Variants in TAF4B observed in about 807,000 individuals in gnomAD.
TAF4B encodes the protein transcription initiation factor TFIID subunit 4B.
In TAF4B, 38 loss-of-function variants were observed where a neutral mutation model predicts 86.4. The ratio of observed to expected loss-of-function variants is 0.44; its 90% CI spans 0.34 to 0.58. The LOEUF (loss-of-function observed/expected upper bound fraction) is 0.58. TAF4B is among the 20% of genes least tolerant of loss of function. The pLI, the probability that TAF4B is intolerant of heterozygous loss-of-function variation, is 0.02. For missense variants in TAF4B, 988 were observed against 1,027.6 expected (o/e 0.96, Z 0.53); for synonymous variants, 388 against 391.2 (o/e 0.99, Z 0.10).
At chr18:26,290,779 T>C (rs2056581800) in intron 7 of TAF4B, among the ~76,000 whole-genome samples, 1 of 152,200 alleles carries the variant, frequency 6.6e-6, no homozygotes. Context: ...ATTAAAATAC[T>C]GACAGGAATA....
chr18:26,336,502 AT>A (rs983355775), intron 13 of TAF4B, among the ~76,000 whole-genome samples: 2 of 152,158 alleles, frequency 1.3e-5, no homozygotes, highest in African/African-American at 4.8e-5. Context: ...GGGTGGAGGG[AT>A]TTCAGGATTG....
At position 26,248,804 on chromosome 18, in the gene TAF4B, C is replaced by T. The variant is rs1008245187; in HGVS notation, c.344-16366C>T. On this transcript the variant is annotated intron_variant, in intron 1 of 14. Transcript: ENST00000269142. ...CCTCCCAAAGTGCTGGGATTACAGGCGTGAGCGACTGCACCTGGCCCCTAA... is the reference window on the plus strand; with the variant it reads ...CCTCCCAAAGTGCTGGGATTACAGGTGTGAGCGACTGCACCTGGCCCCTAA... Among the ~76,000 whole-genome samples, 605 of 100,186 alleles carry T rather than the reference C, an allele frequency of 6.0e-3. 14 individuals are homozygous for T. The highest frequency in any genetic ancestry group is 0.022 in the African/African-American group (584 of 26,008). 65.7% of individuals were successfully genotyped at this position (100,186 alleles called of 152,430 possible). A position where few individuals can be genotyped will look rare whatever the true frequency, so the allele number is the denominator to read the frequency against.
At chr18:26,340,250 C>T (rs764100843) in intron 13 of TAF4B, among the ~76,000 whole-genome samples, 4 of 152,090 alleles carry the variant, frequency 2.6e-5, no homozygotes, top group South Asian at 4.2e-4. Context: ...TATTTAGGTA[C>T]GAGAACAGCA....
intron 9 of TAF4B, among the ~76,000 whole-genome samples, chr18:26,311,690 A>T (rs1242670215): frequency 1.3e-5 from 2 of 152,212 alleles, no homozygotes; most frequent in Non-Finnish European, 2.9e-5. Flanking sequence ...AGCAAAGTCC[A>T]GAATCAGGAG....
At chr18:26,385,475 A>G (rs1978324221) in intron 14 of TAF4B, among the ~76,000 whole-genome samples, 1 of 152,130 alleles carries the variant, frequency 6.6e-6, no homozygotes, top group South Asian at 2.1e-4. Flanking sequence ...TGATCTGGCA[A>G]TTTTAGAAGA....
At chr18:26,288,361 G>A (rs968425574) in intron 7 of TAF4B, among the ~76,000 whole-genome samples, 2 of 152,192 alleles carry the variant, frequency 1.3e-5, no homozygotes, top group Admixed American at 6.5e-5. Flanking sequence ...GTGGCCGGGC[G>A]CAGCGGCTCA....
intron 1 of TAF4B, among the ~76,000 whole-genome samples, chr18:26,239,300 T>G (rs931159982): frequency 1.3e-5 from 2 of 152,166 alleles, no homozygotes; most frequent in African/African-American, 4.8e-5. Flanking sequence ...TGTGAGATGG[T>G]ATCTCATTGT....
chr18:26,321,773 A>G (rs117392906), intron 11 of TAF4B, among the ~76,000 whole-genome samples: 164 of 152,218 alleles, frequency 1.1e-3, no homozygotes, highest in Non-Finnish European at 1.8e-3. Flanking sequence ...GAAATCCTGA[A>G]AACAATATAT....
At chr18:26,324,985 T>C (rs1460197170) in intron 11 of TAF4B, among the ~76,000 whole-genome samples, 1 of 152,234 alleles carries the variant, frequency 6.6e-6, no homozygotes. Flanking sequence ...ATAGATTTTA[T>C]AAAAGTGAGT....
At chr18:26,385,108 G>A (rs1424668304) in intron 14 of TAF4B, among the ~76,000 whole-genome samples, 1 of 152,174 alleles carries the variant, frequency 6.6e-6, no homozygotes, top group Non-Finnish European at 1.5e-5. Context: ...GGTTCATAAA[G>A]ATGTCCTTTC....
intron 13 of TAF4B, among the ~76,000 whole-genome samples, chr18:26,338,470 A>ATT (rs764826705): frequency 0.088 from 6,250 of 71,070 alleles, 589 homozygotes; most frequent in African/African-American, 0.22. Context: ...AAGAACTAGA[A>ATT]TTTTTTTTTT....
intron 13 of TAF4B, among the ~76,000 whole-genome samples, chr18:26,346,837 G>GTGTGTATATATATATA (rs2057194828): frequency 3.0e-4 from 2 of 6,744 alleles, no homozygotes; most frequent in Non-Finnish European, 8.6e-4. Context: ...ATATATATAT[G>GTGTGTATATATATATA]TGTGTGTGTA....
Position 26,266,590 on chromosome 18 carries a change from G to A in TAF4B, c.490-926G>A, listed in dbSNP as rs540117890. Among the ~76,000 whole-genome samples the A allele has an allele frequency of 2.0e-5, 3 of 152,068 alleles. No individual in the cohort carries two copies. The South Asian group carries it at 6.2e-4, about 32-fold the overall frequency. ...AAAATATTTTTGTGGGGCTGTGCGC[G>A]GTGACTCACGCCTGTAATCCCAGCA... On this transcript the variant is annotated intron_variant, in intron 2 of 14. Transcript: ENST00000269142.
Position 26,227,259 on chromosome 18 carries a change from A to G in TAF4B, c.326A>G (p.Asn109Ser), listed in dbSNP as rs769568198. The change falls in exon 1 of 15, where the codon AAT becomes AGT. Residue 109 changes from asparagine to serine, a missense_variant. Transcript: ENST00000269142. ...PNTTTIQFPA[N>S]LQLPPGTVLI... The stretch of plus-strand genomic sequence containing the variant: ...ACCACGACAATCCAGTTTCCTGCTA[A>G]TTTGCAGCTTCCTCCAGGTATGTTG... 6.2e-7 allele frequency: 1 copy of G among 1,612,730 alleles called. No homozygotes were observed. Among genetic ancestry groups the G allele is most frequent in the South Asian group, 1.1e-5 (1 of 90,862 alleles).
At chr18:26,386,987 T>G (rs1482089791) in intron 14 of TAF4B, among the ~76,000 whole-genome samples, 3 of 152,228 alleles carry the variant, frequency 2.0e-5, no homozygotes, top group African/African-American at 7.2e-5. Flanking sequence ...CTTAGAAGAT[T>G]TATAAACATA....
At chr18:26,388,890 A>G (rs1446936035) in intron 14 of TAF4B, among the ~76,000 whole-genome samples, 4 of 152,140 alleles carry the variant, frequency 2.6e-5, no homozygotes, top group Non-Finnish European at 5.9e-5. Context: ...ATCTCAGCTC[A>G]CTGCAACCTC....
intron 9 of TAF4B, among the ~76,000 whole-genome samples, chr18:26,308,622 G>A (rs1301797382): frequency 1.3e-5 from 2 of 151,786 alleles, no homozygotes; most frequent in Non-Finnish European, 2.9e-5. Flanking sequence ...CCTGTAATCC[G>A]AGCACTTTGG....
chr18:26,329,488 GTC>G (rs2057034682), intron 12 of TAF4B, among the ~76,000 whole-genome samples: 1 of 152,176 alleles, frequency 6.6e-6, no homozygotes, highest in Non-Finnish European at 1.5e-5. Flanking sequence ...GCTTAACCAT[GTC>G]TCTCTTTCAT....
intron 3 of TAF4B, among the ~76,000 whole-genome samples, chr18:26,269,470 A>G (rs1216372171): frequency 6.6e-6 from 1 of 152,150 alleles, no homozygotes; most frequent in Non-Finnish European, 1.5e-5. Flanking sequence ...CCGAGTCAAG[A>G]CATATGTGAT....
Sources: allele counts gnomAD v4.1 joint callset (sites outside exome capture counted in the v4.1 genomes callset), GRCh38; gene constraint gnomAD v4.1.1; transcripts MANE v1.5; gene names NCBI Gene and HGNC (gene_info 2026-07-23, HGNC 2026-07-21).